Variants in RNF38 observed in about 807,000 individuals in gnomAD.
RNF38 encodes E3 ubiquitin-protein ligase RNF38.
In RNF38, 15 loss-of-function variants were observed where a neutral mutation model predicts 67.2. The ratio of observed to expected loss-of-function variants is 0.22; its 90% CI spans 0.15 to 0.34. RNF38 has a LOEUF of 0.34. RNF38 is among the 10% of genes least tolerant of loss of function. RNF38 has a pLI of 1.00. For missense variants in RNF38, 524 were observed against 639.9 expected (o/e 0.82, Z 1.95); for synonymous variants, 220 against 218.8 (o/e 1.01, Z -0.05).
intron 1 of RNF38, among the ~76,000 whole-genome samples, chr9:36,461,999 C>A (rs1041224318): frequency 6.6e-6 from 1 of 152,022 alleles, no homozygotes; most frequent in Non-Finnish European, 1.5e-5. Flanking sequence ...CATGCAGTGA[C>A]CGGGAAAAGA....
upstream of RNF38, among the ~76,000 whole-genome samples, chr9:36,405,037 G>A (rs113240358): frequency 1.1e-4 from 16 of 152,174 alleles, no homozygotes; most frequent in East Asian, 1.9e-4. Context: ...TTAGGAGGTC[G>A]AGGTAGGCAG....
intron 4 of RNF38, among the ~76,000 whole-genome samples, chr9:36,365,384 T>C (rs1030252778): frequency 4.0e-5 from 6 of 151,870 alleles, no homozygotes; most frequent in Non-Finnish European, 2.9e-5. Context: ...CTGGCCAACA[T>C]GGTGAAACCC....
At chr9:36,342,483 C>G in intron 10 of RNF38, 59 bp from the exon 11 acceptor site, 1 of 976,484 alleles carries the variant, frequency 1.0e-6, no homozygotes, top group East Asian at 2.4e-5. Flanking sequence ...ATTGTTATGA[C>G]TACTGAAACC....
At chr9:36,350,876 G>A (rs1833642087) in intron 9 of RNF38, among the ~76,000 whole-genome samples, 2 of 152,162 alleles carry the variant, frequency 1.3e-5, no homozygotes, top group Non-Finnish European at 2.9e-5. Context: ...GGCTCTGAAT[G>A]TGGCCCAACA....
At chr9:36,374,303 T>C (rs981859570) in intron 3 of RNF38, among the ~76,000 whole-genome samples, 1 of 152,214 alleles carries the variant, frequency 6.6e-6, no homozygotes, top group Non-Finnish European at 1.5e-5. Flanking sequence ...CAGGCTGCCA[T>C]AACAAAACAT....
At chr9:36,352,663 G>A (rs968764617) in intron 8 of RNF38, 79 bp downstream of exon 8, 11 of 1,064,006 alleles carry the variant, frequency 1.0e-5, no homozygotes, top group Non-Finnish European at 1.6e-5. Flanking sequence ...AAAAGCTATA[G>A]ACACAAAGAC....
chr9:36,483,856 TA>T (rs1840338373), intron 1 of RNF38, among the ~76,000 whole-genome samples: 1 of 152,188 alleles, frequency 6.6e-6, no homozygotes. Context: ...TTAAAATCTG[TA>T]AAACCTGATA....
At chr9:36,344,545 G>A (rs1199152822) in intron 10 of RNF38, among the ~76,000 whole-genome samples, 1 of 152,164 alleles carries the variant, frequency 6.6e-6, no homozygotes, top group South Asian at 2.1e-4. Flanking sequence ...TTTCTAAGAT[G>A]ACAGAAATGT....
intron 6 of RNF38, among the ~76,000 whole-genome samples, chr9:36,354,336 C>T (rs1042716459): frequency 1.3e-5 from 2 of 152,120 alleles, no homozygotes; most frequent in African/African-American, 4.8e-5. Context: ...GGGGCTAGGG[C>T]GCCCGCCACC....
chr9:36,407,446 G>A lies in RNF38; in HGVS notation n.313-16830C>T, dbSNP rs533149312. Among the ~76,000 whole-genome samples, 7 of 152,224 alleles carry A rather than the reference G, an allele frequency of 4.6e-5. No individual in the cohort carries two copies. The South Asian group carries it at 1.0e-3, about 23-fold the overall frequency. ...AGCAGGTGGACAGTGAAAAGGCATC[G>A]GCCAGGAAGGAGTTCAAATGAAGAA... is the stretch of plus-strand genomic sequence containing the variant. On this transcript the variant is annotated intron_variant and non_coding_transcript_variant, in intron 2 of 3. Coordinates refer to the RNF38 transcript ENST00000488058.
chr9:36,355,509 C>A (rs944254470), intron 6 of RNF38, among the ~76,000 whole-genome samples: 1 of 152,108 alleles, frequency 6.6e-6, no homozygotes, highest in Non-Finnish European at 1.5e-5. Flanking sequence ...TAGTGAAAAA[C>A]CAGGCCTTCA....
chr9:36,345,514 C>T (rs116908758), intron 9 of RNF38, among the ~76,000 whole-genome samples: 1 of 152,160 alleles, frequency 6.6e-6, no homozygotes, highest in African/African-American at 2.4e-5. Context: ...GTTAACACCC[C>T]CTAGCTGTAA....
intron 1 of RNF38, among the ~76,000 whole-genome samples, chr9:36,463,662 G>C (rs1839789693): frequency 6.6e-6 from 1 of 152,148 alleles, no homozygotes; most frequent in Non-Finnish European, 1.5e-5. Context: ...CAAATACAAA[G>C]ATATGTACAT....
At chr9:36,447,997 T>C (rs1839348296) in intron 1 of RNF38, among the ~76,000 whole-genome samples, 1 of 152,208 alleles carries the variant, frequency 6.6e-6, no homozygotes. Context: ...ATCACTGTAA[T>C]ATTGAAGCCT....
chr9:36,386,536 TAAAC>T (rs1447173441), intron 2 of RNF38, among the ~76,000 whole-genome samples: 1 of 152,212 alleles, frequency 6.6e-6, no homozygotes, highest in African/African-American at 2.4e-5. Context: ...GCCTCCATAC[TAAAC>T]AGTGGCTTGG....
chr9:36,427,874 CTA>C (rs1838818004), intron 1 of RNF38, among the ~76,000 whole-genome samples: 1 of 151,434 alleles, frequency 6.6e-6, no homozygotes, highest in Non-Finnish European at 1.5e-5. Flanking sequence ...CCATGCCTGG[CTA>C]ATTTTGTATT....
intron 9 of RNF38, among the ~76,000 whole-genome samples, chr9:36,350,718 A>G (rs1043030938): frequency 4.6e-5 from 7 of 152,210 alleles, no homozygotes; most frequent in African/African-American, 1.4e-4. Context: ...ACCTGTTATC[A>G]TAGCTATGTG....
chr9:36,431,058 C>T (rs1046197970), intron 1 of RNF38, among the ~76,000 whole-genome samples: 3 of 152,306 alleles, frequency 2.0e-5, no homozygotes, highest in African/African-American at 7.2e-5. Context: ...ATGCCAATTG[C>T]AAGTAGTGGG....
chr9:36,487,530 C>T, exon 1 of RNF38: 4 of 980,420 alleles, frequency 4.1e-6, no homozygotes, highest in Non-Finnish European at 4.8e-6. Flanking sequence ...GCGGCGGCGG[C>T]AGCGACCGCG....
Sources: gnomAD v4.1 joint callset for allele counts (sites outside exome capture counted in the v4.1 genomes callset) on GRCh38, gnomAD v4.1.1 for gene constraint, MANE v1.5 for transcripts, NCBI Gene and HGNC (gene_info 2026-07-23, HGNC 2026-07-21) for gene names.